The following ATG5 variants were observed in gnomAD, a reference collection of about 807,000 sequenced individuals.
The protein encoded by ATG5 is autophagy protein 5.
Under a neutral mutation model 36.5 loss-of-function variants are expected in ATG5, and 14 were observed. The ratio of observed to expected loss-of-function variants is 0.38; its 90% confidence interval spans 0.25 to 0.60. The LOEUF (loss-of-function observed/expected upper bound fraction) is 0.60. ATG5 is among the 20% of genes least tolerant of loss of function. The pLI, the probability that ATG5 is intolerant of heterozygous loss-of-function variation, is 0.60. For synonymous variants in ATG5, 95 were observed against 101.5 expected (o/e 0.94, Z 0.38); for missense variants, 195 against 326.7 (o/e 0.60, Z 3.11).
At chr6:106,216,217 T>TA (rs1195909089) in intron 6 of ATG5, among the ~76,000 whole-genome samples, 1 of 152,166 alleles carries the variant, frequency 6.6e-6, no homozygotes, top group African/African-American at 2.4e-5. Context: ...AACGTGGAAT[T>TA]ACCATGCAAC....
At chr6:106,309,016 T>C (rs762251279) in intron 2 of ATG5, among the ~76,000 whole-genome samples, 6 of 152,100 alleles carry the variant, frequency 3.9e-5, no homozygotes, top group Non-Finnish European at 8.8e-5. Context: ...TCAGTGTTTT[T>C]TCCCCAGAAA....
At position 106,285,308 on chromosome 6, in the gene ATG5, G is replaced by A. The variant is rs554302219; in HGVS notation, c.316-5485C>T. 7.9e-5 allele frequency among the ~76,000 whole-genome samples: 12 copies of A among 151,790 alleles called. No homozygotes were observed. The East Asian group carries it at 1.9e-3, about 24-fold the overall frequency. On this transcript the variant is annotated intron_variant, in intron 4 of 7. Transcript: ENST00000369076. ...AATAGTTGCTTTAATTCATTTTTCC[G>A]GTAGTACCAAGATGTGGATTCTCTT...
chr6:106,207,548 A>T (rs1019161487), intron 6 of ATG5, among the ~76,000 whole-genome samples: 1 of 151,272 alleles, frequency 6.6e-6, no homozygotes, highest in African/African-American at 2.5e-5. Context: ...AAAAAAAAAG[A>T]AAGAAAGAAA....
intron 1 of ATG5, among the ~76,000 whole-genome samples, chr6:106,319,633 CAT>C (rs746541331): frequency 2.6e-5 from 4 of 152,210 alleles, no homozygotes; most frequent in Non-Finnish European, 5.9e-5. Flanking sequence ...TTCTTCTACA[CAT>C]GATTCAGGCA....
intron 4 of ATG5, chr6:106,283,841 C>T (rs1779976642): frequency 6.6e-6 from 1 of 152,142 alleles, no homozygotes; most frequent in African/African-American, 2.4e-5. Context: ...TTTCTTATGT[C>T]GGTTTTGGTG....
chr6:106,235,821 A>C (rs1473767047), intron 6 of ATG5, among the ~76,000 whole-genome samples: 1 of 152,142 alleles, frequency 6.6e-6, no homozygotes, highest in Non-Finnish European at 1.5e-5. Flanking sequence ...TGCAAAAAAA[A>C]AATAGCTTAA....
intron 1 of ATG5, among the ~76,000 whole-genome samples, chr6:106,323,380 C>T (rs1320411438): frequency 6.7e-6 from 1 of 150,250 alleles, no homozygotes; most frequent in Non-Finnish European, 1.5e-5. Context: ...AGTGATCCTC[C>T]CCTCCCATCT....
At chr6:106,229,390 GAGACAGTGAGAGAC>G (rs1374222404) in intron 6 of ATG5, among the ~76,000 whole-genome samples, 9 of 151,980 alleles carry the variant, frequency 5.9e-5, no homozygotes, top group Non-Finnish European at 1.3e-4. Context: ...CAGAGAGAAA[GAGACAGTGAGAGAC>G]AGACAGAGAC....
chr6:106,278,958 T>C (rs1435426842), intron 5 of ATG5, among the ~76,000 whole-genome samples: 1 of 152,188 alleles, frequency 6.6e-6, no homozygotes, highest in Non-Finnish European at 1.5e-5. Flanking sequence ...CTGCGGTTAA[T>C]ATACCACAGT....
chr6:106,285,879 G>A (rs1188801415), intron 4 of ATG5, among the ~76,000 whole-genome samples: 2 of 152,170 alleles, frequency 1.3e-5, no homozygotes, highest in Non-Finnish European at 2.9e-5. Context: ...AAAACAGTCA[G>A]TGGACCACAT....
intron 6 of ATG5, among the ~76,000 whole-genome samples, chr6:106,205,073 C>CT (rs1776581548): frequency 6.6e-6 from 1 of 152,146 alleles, no homozygotes; most frequent in Non-Finnish European, 1.5e-5. Context: ...GCTTTTAATG[C>CT]TTTTTAGCAA....
At chr6:106,187,448 A>G (rs1446710456) in intron 7 of ATG5, among the ~76,000 whole-genome samples, 1 of 152,116 alleles carries the variant, frequency 6.6e-6, no homozygotes, top group African/African-American at 2.4e-5. Context: ...AAATATAAAG[A>G]TTTTTGTCAT....
At chr6:106,287,887 C>G (rs905480351) in intron 4 of ATG5, among the ~76,000 whole-genome samples, 17 of 151,438 alleles carry the variant, frequency 1.1e-4, no homozygotes, top group African/African-American at 3.6e-4. Context: ...AAAAAAAATA[C>G]AGAGAGAAAA....
At chr6:106,283,252 A>G (rs1779947952) in intron 4 of ATG5, among the ~76,000 whole-genome samples, 1 of 152,040 alleles carries the variant, frequency 6.6e-6, no homozygotes, top group Admixed American at 6.6e-5. Context: ...CTGGCTTATA[A>G]TTTTCTTTTA....
chr6:106,198,547 C>T (rs971118759), intron 7 of ATG5, among the ~76,000 whole-genome samples: 14 of 152,058 alleles, frequency 9.2e-5, no homozygotes, highest in African/African-American at 2.9e-4. Flanking sequence ...GAGGCTGAGG[C>T]GGATGAATCC....
chr6:106,211,452 T>C (rs544591230), intron 6 of ATG5, among the ~76,000 whole-genome samples: 4 of 152,354 alleles, frequency 2.6e-5, no homozygotes, highest in East Asian at 1.9e-4. Context: ...GGCTCACGCC[T>C]GTAATCCCAG....
At chr6:106,201,942 G>T in intron 7 of ATG5, 30 bp downstream of exon 7, 1 of 1,491,728 alleles carries the variant, frequency 6.7e-7, no homozygotes, top group Non-Finnish European at 9.2e-7. Context: ...GAAAATGAAA[G>T]AAATGTTTTA....
chr6:106,317,130 A>G (rs1770881805), intron 1 of ATG5, among the ~76,000 whole-genome samples: 1 of 152,198 alleles, frequency 6.6e-6, no homozygotes, highest in African/African-American at 2.4e-5. Flanking sequence ...GTGCCTTCCA[A>G]TGCTAATATT....
intron 5 of ATG5, among the ~76,000 whole-genome samples, chr6:106,255,094 G>A (rs1778748335): frequency 1.3e-5 from 2 of 152,150 alleles, no homozygotes; most frequent in African/African-American, 2.4e-5. Context: ...CAATTTCACT[G>A]CATTCATCTC....
Sources: gnomAD v4.1 joint callset for allele counts (sites outside exome capture counted in the v4.1 genomes callset) on GRCh38, gnomAD v4.1.1 for gene constraint, MANE v1.5 for transcripts, NCBI Gene and HGNC (gene_info 2026-07-23, HGNC 2026-07-21) for gene names.